ACTR3C: variants seen among roughly 807,000 people sequenced by gnomAD.
ACTR3C encodes the protein actin-related protein 3C.
A neutral mutation model predicts 26.3 loss-of-function variants in ACTR3C; 18 were observed. The ratio of observed to expected loss-of-function variants is 0.68; its 90% CI spans 0.47 to 1.01. The LOEUF (loss-of-function observed/expected upper bound fraction) is 1.01. Among genes scored for constraint, ACTR3C ranks in the 50% least tolerant of loss-of-function variants. The pLI is 0.00. For missense variants in ACTR3C, 184 were observed against 250.7 expected (o/e 0.73, Z 1.80); for synonymous variants, 55 against 94.5 (o/e 0.58, Z 2.42).
chr7:150,042,638 T>A, the ACTR3C span, among the ~76,000 whole-genome samples: 1 of 151,464 alleles, frequency 6.6e-6, no homozygotes, highest in Non-Finnish European at 1.5e-5. Context: ...AGGGGATGGA[T>A]CTCAGCCATC....
At chr7:150,224,269 C>T in the ACTR3C span, among the ~76,000 whole-genome samples, 1 of 152,222 alleles carries the variant, frequency 6.6e-6, no homozygotes, top group South Asian at 2.1e-4. Flanking sequence ...CTTCCACAAT[C>T]AGCCCTCTGG....
At chr7:149,968,786 T>C in the ACTR3C span, among the ~76,000 whole-genome samples, 1 of 152,148 alleles carries the variant, frequency 6.6e-6, no homozygotes, top group African/African-American at 2.4e-5. Flanking sequence ...ATAAAATTCA[T>C]GCAATTCGTA....
chr7:150,208,987 C>T, the ACTR3C span, among the ~76,000 whole-genome samples: 3 of 151,942 alleles, frequency 2.0e-5, no homozygotes, highest in Non-Finnish European at 4.4e-5. Context: ...GGATACTGTG[C>T]ACAACAAAAA....
At chr7:150,095,841 C>T in the ACTR3C span, among the ~76,000 whole-genome samples, 1 of 150,408 alleles carries the variant, frequency 6.6e-6, no homozygotes, top group African/African-American at 2.5e-5. Flanking sequence ...TATGAGAAAG[C>T]AAAATTGTAA....
At chr7:150,006,705 C>T in the ACTR3C span, among the ~76,000 whole-genome samples, 1 of 151,822 alleles carries the variant, frequency 6.6e-6, no homozygotes, top group East Asian at 1.9e-4. Flanking sequence ...AGCAGCAAGT[C>T]CAGCCTCTGC....
chr7:149,993,907 G>A, the ACTR3C span, among the ~76,000 whole-genome samples: 1 of 152,188 alleles, frequency 6.6e-6, no homozygotes, highest in Non-Finnish European at 1.5e-5. Flanking sequence ...ACATGACACT[G>A]ATTAGTATTC....
the ACTR3C span, among the ~76,000 whole-genome samples, chr7:150,041,018 C>T: frequency 0.01 from 1,516 of 150,264 alleles, 55 homozygotes; most frequent in African/African-American, 0.016. Flanking sequence ...CGTAGGCTAC[C>T]GGCCTCAGCC....
chr7:150,048,603 G>A, the ACTR3C span, among the ~76,000 whole-genome samples: 12 of 151,878 alleles, frequency 7.9e-5, no homozygotes, highest in Non-Finnish European at 1.3e-4. Flanking sequence ...AGGCAGGCAG[G>A]CCGGCCAGGG....
intron 6 of ACTR3C, among the ~76,000 whole-genome samples, chr7:150,258,973 T>A (rs970270567): frequency 6.6e-6 from 1 of 151,890 alleles, no homozygotes. Flanking sequence ...ATTTGATAAA[T>A]GTGTTTTTCC....
chr7:149,972,995 T>A, the ACTR3C span, among the ~76,000 whole-genome samples: 1 of 151,882 alleles, frequency 6.6e-6, no homozygotes, highest in Non-Finnish European at 1.5e-5. Flanking sequence ...GCCCCGTGCA[T>A]GGGCAGCATG....
the ACTR3C span, among the ~76,000 whole-genome samples, chr7:150,202,952 G>A: frequency 6.6e-6 from 1 of 152,340 alleles, no homozygotes; most frequent in South Asian, 2.1e-4. Flanking sequence ...AGAAATGAGA[G>A]GCTGTTATGT....
chr7:150,024,900 T>C, the ACTR3C span, among the ~76,000 whole-genome samples: 2 of 151,358 alleles, frequency 1.3e-5, no homozygotes, highest in African/African-American at 4.9e-5. Flanking sequence ...ATCCTGTCTA[T>C]TATTGAGAAG....
Position 150,266,803 on chromosome 7 carries a change from G to T in ACTR3C, c.565-17749C>A, listed in dbSNP as rs373621009. 7.0e-4 allele frequency among the ~76,000 whole-genome samples: 106 copies of T among 152,260 alleles called. 1 individual carries two copies. The highest frequency in any genetic ancestry group is 1.4e-3 in the Admixed American group (21 of 15,296). ...CACAGAAGAAAATATACAAATGACC[G>T]CTAAGTACAGGAAAAGACAGTCAAC... On this transcript the variant is annotated intron_variant, in intron 6 of 7. Coordinates refer to ENST00000683684, the MANE Select transcript of ACTR3C (RefSeq NM_001164458.2).
chr7:149,984,609 T>C, the ACTR3C span, among the ~76,000 whole-genome samples: 2 of 151,474 alleles, frequency 1.3e-5, no homozygotes, highest in Non-Finnish European at 2.9e-5. Flanking sequence ...ACAGTAGATA[T>C]CTGATCTCTC....
chr7:150,019,489 G>C, the ACTR3C span, among the ~76,000 whole-genome samples: 1 of 149,730 alleles, frequency 6.7e-6, no homozygotes, highest in South Asian at 2.1e-4. Flanking sequence ...CTACTCGAGA[G>C]GCTGAGGCAG....
the ACTR3C span, among the ~76,000 whole-genome samples, chr7:150,162,873 G>A: frequency 6.6e-6 from 1 of 152,062 alleles, no homozygotes; most frequent in African/African-American, 2.4e-5. Context: ...ACTAGTGGGT[G>A]GGGCACTGTG....
the ACTR3C span, among the ~76,000 whole-genome samples, chr7:149,993,716 G>A: frequency 6.6e-6 from 1 of 152,022 alleles, no homozygotes; most frequent in Non-Finnish European, 1.5e-5. Context: ...TTGTGATCAG[G>A]GTACTCATTG....
chr7:150,100,625 A>G, the ACTR3C span, among the ~76,000 whole-genome samples: 3 of 151,630 alleles, frequency 2.0e-5, 1 homozygote, highest in African/African-American at 7.3e-5. Flanking sequence ...TAAACATTGC[A>G]AAGCAAATTT....
chr7:150,119,434 G>A, the ACTR3C span, among the ~76,000 whole-genome samples: 3 of 150,966 alleles, frequency 2.0e-5, no homozygotes, highest in Non-Finnish European at 4.5e-5. Context: ...AGGGCTTGCA[G>A]TAGTCTCTGA....
Sources: gnomAD v4.1 joint callset for allele counts (sites outside exome capture counted in the v4.1 genomes callset) on GRCh38, gnomAD v4.1.1 for gene constraint, MANE v1.5 for transcripts, NCBI Gene and HGNC (gene_info 2026-07-23, HGNC 2026-07-21) for gene names.